PPP1CC: variants seen among roughly 807,000 people sequenced by gnomAD.
PPP1CC encodes serine/threonine-protein phosphatase PP1-gamma catalytic subunit.
In PPP1CC, 16 loss-of-function variants were observed where a neutral mutation model predicts 38.4. That is an observed-to-expected ratio of 0.42 (90% CI 0.28 to 0.63). The LOEUF (loss-of-function observed/expected upper bound fraction) is 0.63, where lower values mean the gene tolerates loss of function less well. Among genes scored for constraint, PPP1CC ranks in the 30% least tolerant of loss-of-function variants. The pLI, the probability that PPP1CC is intolerant of heterozygous loss-of-function variation, is 0.25. For missense variants in PPP1CC, 170 were observed against 391.3 expected (o/e 0.43, Z 4.77); for synonymous variants, 158 against 136.0 (o/e 1.16, Z -1.13).
chr12:110,709,920 CAAAA>C, the PPP1CC span, among the ~76,000 whole-genome samples: 1 of 132,764 alleles, frequency 7.5e-6, no homozygotes, highest in East Asian at 2.1e-4. Flanking sequence ...TTGTGAAAAA[CAAAA>C]AACTCCAAAA....
intron 1 of PPP1CC, among the ~76,000 whole-genome samples, chr12:110,740,006 C>T (rs2069997545): frequency 6.6e-6 from 1 of 152,114 alleles, no homozygotes; most frequent in Admixed American, 6.5e-5. Context: ...AGAGGTGATG[C>T]CTCGCTTACA....
intron 3 of PPP1CC, 105 bp from the exon 4 acceptor site, chr12:110,724,869 TAAGCAAATGAA>T: frequency 1.7e-6 from 1 of 591,882 alleles, no homozygotes; most frequent in South Asian, 2.1e-5. Context: ...GGGTGCCTTT[TAAGCAAATGAA>T]ACTATGTTTT....
intron 1 of PPP1CC, among the ~76,000 whole-genome samples, chr12:110,733,978 T>C (rs1212862051): frequency 6.6e-6 from 1 of 152,198 alleles, no homozygotes; most frequent in African/African-American, 2.4e-5. Context: ...ATCATACAAC[T>C]GCTCAGACTT....
rs541679079 is a variant in PPP1CC, at chr12:110,720,996, C to G, written c.*80G>C. The G allele has an allele frequency of 1.6e-6, 2 of 1,287,486 alleles. No individual in the cohort carries two copies. Among genetic ancestry groups the G allele is most frequent in the Non-Finnish European group, 2.2e-6 (2 of 891,420 alleles). 79.8% of individuals were successfully genotyped at this position (1,287,486 alleles called of 1,614,324 possible). On this transcript the variant is annotated 3_prime_UTR_variant, in exon 7 of 7. Transcript: ENST00000335007. ...ACACAGATCTATCTGAGCAAGCTGACCAGTACACATTACAGTCTTAAAAAT... is the reference window on the plus strand; with the variant it reads ...ACACAGATCTATCTGAGCAAGCTGAGCAGTACACATTACAGTCTTAAAAAT...
intron 1 of PPP1CC, among the ~76,000 whole-genome samples, chr12:110,742,309 C>G (rs1046545327): frequency 2.6e-5 from 4 of 152,104 alleles, no homozygotes; most frequent in Non-Finnish European, 5.9e-5. Context: ...CTGGGATCCC[C>G]AACCATCGCT....
chr12:110,713,672 A>C, the PPP1CC span, among the ~76,000 whole-genome samples: 1 of 152,190 alleles, frequency 6.6e-6, no homozygotes, highest in Non-Finnish European at 1.5e-5. Flanking sequence ...TGCTTTTAAC[A>C]GAGCTGTTCT....
intron 1 of PPP1CC, among the ~76,000 whole-genome samples, chr12:110,740,216 A>G (rs775473171): frequency 6.6e-6 from 1 of 152,214 alleles, no homozygotes; most frequent in African/African-American, 2.4e-5. Context: ...CAAAGTCACA[A>G]GTCATATTCC....
the PPP1CC span, among the ~76,000 whole-genome samples, chr12:110,709,966 A>AATAATAAT: frequency 3.5e-5 from 5 of 142,720 alleles, no homozygotes; most frequent in African/African-American, 7.7e-5. Flanking sequence ...TAATAATAAT[A>AATAATAAT]ATAATAATAA....
downstream of PPP1CC, among the ~76,000 whole-genome samples, chr12:110,718,257 T>G (rs2069702842): frequency 6.6e-6 from 1 of 152,150 alleles, no homozygotes; most frequent in African/African-American, 2.4e-5. Flanking sequence ...AATCAGCAAT[T>G]TCTATGGGAG....
At chr12:110,719,379 C>G (rs1408193721), downstream of PPP1CC, among the ~76,000 whole-genome samples, 1 of 152,168 alleles carries the variant, frequency 6.6e-6, no homozygotes. Flanking sequence ...CCAACGCCCT[C>G]AGGGAGACCA....
intron 6 of PPP1CC, 166 bp from the exon 7 acceptor site, chr12:110,721,331 T>C: frequency 3.6e-6 from 2 of 562,536 alleles, no homozygotes; most frequent in Non-Finnish European, 6.3e-6. Flanking sequence ...TGTAAACATT[T>C]GGTAATTAAC....
Position 110,722,503 on chromosome 12 carries a change from T to A in PPP1CC, c.716A>T (p.His239Leu), listed in dbSNP as rs2069750579. Reference sequence around the variant, plus strand: ...GGCTCTACATATAAGATCCAAATCATGCTTATGGAGAAATTTTGCAACCAC... The same window carrying A: ...GGCTCTACATATAAGATCCAAATCAAGCTTATGGAGAAATTTTGCAACCAC... ...AEVVAKFLHK[H>L]DLDLICRAHQ... Residue 239 changes from histidine to leucine, a missense_variant, in exon 5 of 7, where the codon CAT (histidine) becomes CTT (leucine). Physicochemically the swap from His to Leu is moderately conservative, Grantham distance 99. Coordinates refer to ENST00000335007, the MANE Select transcript of PPP1CC (RefSeq NM_002710.4). This position sits in a 1 kb window ranked among gnomAD's most constrained non-coding sequence, Gnocchi z 5.4. The A allele has an allele frequency of 1.2e-6, 2 of 1,614,080 alleles. No homozygotes were observed. The highest frequency in any genetic ancestry group is 2.2e-5 in the East Asian group (1 of 44,896).
chr12:110,741,136 G>A (rs1758005022), intron 1 of PPP1CC, among the ~76,000 whole-genome samples: 1 of 151,784 alleles, frequency 6.6e-6, no homozygotes, highest in South Asian at 2.1e-4. Flanking sequence ...GTTTTCACCT[G>A]CAATAACATT....
Position 110,742,785 on chromosome 12 carries a change from C to A in PPP1CC, c.-78G>T. 8.3e-7 allele frequency: 1 copy of A among 1,211,496 alleles called. No homozygotes were observed. The highest frequency in any genetic ancestry group is 1.1e-6 in the Non-Finnish European group (1 of 936,350). The allele number at this position is 1,211,496 out of a possible 1,614,324, so 75.0% of individuals were successfully genotyped here. ...GGGACTCACACCTCCTTTCCCACGC[C>A]ACGAGCAGAGGCGGTGGTGGCGGCG... is the stretch of plus-strand genomic sequence containing the variant. On this transcript the variant is annotated 5_prime_UTR_variant, in exon 1 of 7. Transcript: ENST00000335007.
chr12:110,720,045 G>T lies in PPP1CC; in HGVS notation c.*1031C>A. On this transcript the variant is annotated 3_prime_UTR_variant, in exon 7 of 7. Coordinates refer to ENST00000335007, the MANE Select transcript of PPP1CC (RefSeq NM_002710.4). ...GGTACTGTGAGTTCTGTATAAACTGGTGGACAGTAAGTTAGTTCCTTTGTT... is the reference window on the plus strand; with the variant it reads ...GGTACTGTGAGTTCTGTATAAACTGTTGGACAGTAAGTTAGTTCCTTTGTT... 1 of 1,172,436 alleles carries T rather than the reference G, an allele frequency of 8.5e-7. No homozygotes were observed. The highest frequency in any genetic ancestry group is 1.2e-6 in the Non-Finnish European group (1 of 832,282). 72.6% of individuals were successfully genotyped at this position (1,172,436 alleles called of 1,614,324 possible). A position where few individuals can be genotyped will look rare whatever the true frequency, so the allele number is the denominator to read the frequency against.
At chr12:110,726,680 T>G (rs2069803477) in intron 3 of PPP1CC, 1 of 152,206 alleles carries the variant, frequency 6.6e-6, no homozygotes, top group Admixed American at 6.5e-5. Context: ...CTCCAAAATT[T>G]GGAACTTTTT....
intron 3 of PPP1CC, 153 bp from the exon 4 acceptor site, chr12:110,724,917 T>C (rs2069779285): frequency 2.2e-6 from 1 of 453,128 alleles, no homozygotes; most frequent in East Asian, 4.0e-5. Flanking sequence ...AAAACCATCT[T>C]ATTTTAAGGC....
At chr12:110,729,053 C>T (rs1312784331) in intron 3 of PPP1CC, among the ~76,000 whole-genome samples, 1 of 152,110 alleles carries the variant, frequency 6.6e-6, no homozygotes, top group African/African-American at 2.4e-5. Context: ...ATGCCAAGTA[C>T]CTGAAGTTCC....
chr12:110,725,399 C>T (rs34378671), intron 3 of PPP1CC: 25,139 of 152,224 alleles, frequency 0.17, 3,081 homozygotes, highest in African/African-American at 0.35. Flanking sequence ...AACCTACTGA[C>T]ACCAGAGGAT....
Sources: gnomAD v4.1 joint callset for allele counts (sites outside exome capture counted in the v4.1 genomes callset) on GRCh38, gnomAD v4.1.1 for gene constraint, Gnocchi (gnomAD v3.1) non-coding constraint, MANE v1.5 for transcripts, NCBI Gene and HGNC (gene_info 2026-07-23, HGNC 2026-07-21) for gene names.